The following SAMD5 variants were observed in gnomAD, a reference collection of about 807,000 sequenced individuals.
SAMD5 encodes sterile alpha motif domain containing 5.
Under a neutral mutation model 11.3 loss-of-function variants are expected in SAMD5, and 13 were observed. The ratio of observed to expected loss-of-function variants is 1.15; its 90% CI spans 0.75 to 1.83. SAMD5 has a LOEUF of 1.83. Among genes scored for constraint, SAMD5 ranks in the 40% most tolerant of loss-of-function variants. The pLI, the probability that SAMD5 is intolerant of heterozygous loss-of-function variation, is 0.00. For synonymous variants in SAMD5, 129 were observed against 111.3 expected (o/e 1.16, Z -1.00); for missense variants, 255 against 239.1 (o/e 1.07, Z -0.44).
chr6:147,534,441 C>G (rs563485149), intron 1 of SAMD5, among the ~76,000 whole-genome samples: 1 of 152,250 alleles, frequency 6.6e-6, no homozygotes, highest in Non-Finnish European at 1.5e-5. Flanking sequence ...CTAGACAGAG[C>G]CGATTCATCA....
intron 1 of SAMD5, among the ~76,000 whole-genome samples, chr6:147,696,062 G>A (rs947552047): frequency 6.6e-6 from 1 of 152,104 alleles, no homozygotes; most frequent in Non-Finnish European, 1.5e-5. Flanking sequence ...GTCTGTAGTG[G>A]ACAGTTGATG....
At chr6:147,620,442 T>G (rs1023448742) in intron 1 of SAMD5, among the ~76,000 whole-genome samples, 2 of 152,214 alleles carry the variant, frequency 1.3e-5, no homozygotes, top group African/African-American at 4.8e-5. Flanking sequence ...GCCTGTAACC[T>G]GTATTTATTG....
chr6:147,684,046 A>G (rs1471576997), intron 1 of SAMD5, among the ~76,000 whole-genome samples: 1 of 152,180 alleles, frequency 6.6e-6, no homozygotes, highest in Non-Finnish European at 1.5e-5. Flanking sequence ...GACCACACCC[A>G]TGTCACCACC....
chr6:147,794,925 T>C, the SAMD5 span, among the ~76,000 whole-genome samples: 1 of 151,836 alleles, frequency 6.6e-6, no homozygotes, highest in African/African-American at 2.4e-5. Context: ...TTCTGGTGAG[T>C]GAAGACCCTA....
At chr6:147,844,289 T>A in the SAMD5 span, among the ~76,000 whole-genome samples, 1 of 152,130 alleles carries the variant, frequency 6.6e-6, no homozygotes, top group Non-Finnish European at 1.5e-5. Flanking sequence ...CAAACCACAA[T>A]TAAATATCAT....
the SAMD5 span, among the ~76,000 whole-genome samples, chr6:147,767,518 G>A: frequency 6.7e-6 from 1 of 149,730 alleles, no homozygotes; most frequent in South Asian, 2.1e-4. Flanking sequence ...TTTGGAGGTG[G>A]GGACTTTGGG....
At position 147,713,735 on chromosome 6, in the gene SAMD5, G is replaced by C. The variant is rs187045187; in HGVS notation, c.163-23582G>C. Reference sequence around the variant, plus strand: ...AACAGAACTGTCACCCAAATTCAGTGCTATTTCTTTATCTTTCCAAGCAAA... The same window carrying C: ...AACAGAACTGTCACCCAAATTCAGTCCTATTTCTTTATCTTTCCAAGCAAA... On this transcript the variant is annotated intron_variant, in intron 1 of 1. Coordinates refer to the SAMD5 transcript ENST00000566741. Among the ~76,000 whole-genome samples the C allele has an allele frequency of 1.7e-3, 252 of 152,198 alleles. 1 individual carries two copies. The highest frequency in any genetic ancestry group is 0.014 in the Middle Eastern group (4 of 294).
At chr6:147,730,468 C>G (rs758252827) in intron 1 of SAMD5, among the ~76,000 whole-genome samples, 10 of 152,084 alleles carry the variant, frequency 6.6e-5, no homozygotes, top group Non-Finnish European at 1.3e-4. Flanking sequence ...AATCAAGATA[C>G]CCCAAGGTTT....
chr6:147,785,025 C>T, the SAMD5 span, among the ~76,000 whole-genome samples: 1 of 151,904 alleles, frequency 6.6e-6, no homozygotes, highest in African/African-American at 2.4e-5. Flanking sequence ...AAGTTATGGC[C>T]CCAGATTATT....
At chr6:147,744,705 C>A in the SAMD5 span, among the ~76,000 whole-genome samples, 1 of 152,130 alleles carries the variant, frequency 6.6e-6, no homozygotes, top group African/African-American at 2.4e-5. Flanking sequence ...TGAGACCAGC[C>A]TGGCCAACAT....
the SAMD5 span, among the ~76,000 whole-genome samples, chr6:147,913,208 C>CA: frequency 2.6e-5 from 4 of 151,576 alleles, no homozygotes; most frequent in African/African-American, 7.3e-5. Context: ...ACAATCAGTG[C>CA]AAAAAAAAGA....
At chr6:147,552,679 C>T (rs987276353) in intron 1 of SAMD5, among the ~76,000 whole-genome samples, 1 of 152,154 alleles carries the variant, frequency 6.6e-6, no homozygotes, top group African/African-American at 2.4e-5. Context: ...AGTAAGGTGA[C>T]TCTGTGTGTG....
chr6:147,777,026 G>A, the SAMD5 span, among the ~76,000 whole-genome samples: 10 of 152,166 alleles, frequency 6.6e-5, no homozygotes, highest in African/African-American at 2.4e-4. Flanking sequence ...TGATTGATTA[G>A]TTTCCATCAG....
chr6:147,919,789 A>G, the SAMD5 span, among the ~76,000 whole-genome samples: 1 of 152,156 alleles, frequency 6.6e-6, no homozygotes, highest in Non-Finnish European at 1.5e-5. Flanking sequence ...GTAAAATCAT[A>G]AAACTTTATA....
At chr6:147,622,858 A>T (rs1278719722) in intron 1 of SAMD5, among the ~76,000 whole-genome samples, 3 of 152,148 alleles carry the variant, frequency 2.0e-5, no homozygotes, top group Non-Finnish European at 2.9e-5. Flanking sequence ...ATCATGGCGG[A>T]AGGTGAAAGG....
At chr6:147,697,556 C>T (rs1380906578) in intron 1 of SAMD5, among the ~76,000 whole-genome samples, 1 of 152,116 alleles carries the variant, frequency 6.6e-6, no homozygotes, top group Non-Finnish European at 1.5e-5. Context: ...TTACTTATCA[C>T]TTGATTAATT....
intron 1 of SAMD5, among the ~76,000 whole-genome samples, chr6:147,653,695 T>G (rs1234782929): frequency 6.6e-6 from 1 of 152,262 alleles, no homozygotes; most frequent in African/African-American, 2.4e-5. Flanking sequence ...TTTTTAAAAA[T>G]TGTATTCCTT....
chr6:147,699,237 A>G (rs1180347948), intron 1 of SAMD5, among the ~76,000 whole-genome samples: 1 of 152,190 alleles, frequency 6.6e-6, no homozygotes, highest in Non-Finnish European at 1.5e-5. Flanking sequence ...CCTGGCTCAA[A>G]GCAGAGGCTC....
At chr6:147,825,297 AAAAAAC>A in the SAMD5 span, among the ~76,000 whole-genome samples, 7 of 151,898 alleles carry the variant, frequency 4.6e-5, no homozygotes, top group South Asian at 4.2e-4. Flanking sequence ...ACTCCGTCTC[AAAAAAC>A]AAAAACAAAA....
Sources: gnomAD v4.1 joint callset for allele counts (sites outside exome capture counted in the v4.1 genomes callset) on GRCh38, gnomAD v4.1.1 for gene constraint, MANE v1.5 for transcripts, NCBI Gene and HGNC (gene_info 2026-07-23, HGNC 2026-07-21) for gene names.